SNAP91: variants seen among roughly 807,000 people sequenced by gnomAD.
SNAP91 encodes synaptosome associated protein 91, also known as clathrin coat assembly protein AP180.
In SNAP91, 27 loss-of-function variants were observed where a neutral mutation model predicts 100.3. That is an observed-to-expected ratio of 0.27 (90% CI 0.20 to 0.37). SNAP91 has a LOEUF of 0.37. Among genes scored for constraint, SNAP91 ranks in the 10% least tolerant of loss-of-function variants. SNAP91 has a pLI of 1.00. For synonymous variants in SNAP91, 404 were observed against 398.6 expected (o/e 1.01, Z -0.16); for missense variants, 986 against 1,123.7 (o/e 0.88, Z 1.75).
At chr6:83,676,528 C>A (rs1376584715) in intron 2 of SNAP91, among the ~76,000 whole-genome samples, 1 of 152,042 alleles carries the variant, frequency 6.6e-6, no homozygotes, top group Non-Finnish European at 1.5e-5. Context: ...CAAGGGCATG[C>A]CTGATGGATT....
chr6:83,598,667 T>A (rs2094796135), intron 16 of SNAP91, among the ~76,000 whole-genome samples: 2 of 152,304 alleles, frequency 1.3e-5, no homozygotes, highest in African/African-American at 4.8e-5. Flanking sequence ...TTTCTGATTA[T>A]TCTAGAGTTC....
chr6:83,607,322 A>G (rs946246536), intron 13 of SNAP91, among the ~76,000 whole-genome samples: 5 of 115,920 alleles, frequency 4.3e-5, no homozygotes, highest in African/African-American at 1.9e-4. Context: ...AACAATTCCA[A>G]GTTGGGTTGT....
intron 2 of SNAP91, among the ~76,000 whole-genome samples, chr6:83,666,574 T>C (rs530509796): frequency 1.4e-4 from 22 of 152,260 alleles, no homozygotes; most frequent in African/African-American, 5.1e-4. Context: ...TCAGTAATCA[T>C]TAAACTATAC....
At chr6:83,559,027 A>C (rs765383303) in intron 28 of SNAP91, among the ~76,000 whole-genome samples, 4 of 152,224 alleles carry the variant, frequency 2.6e-5, no homozygotes, top group Non-Finnish European at 4.4e-5. Context: ...AGCTTTACCT[A>C]AACTGAGGTT....
At chr6:83,610,457 A>G (rs1424659247) in intron 12 of SNAP91, among the ~76,000 whole-genome samples, 193 bp downstream of exon 12, 1 of 151,074 alleles carries the variant, frequency 6.6e-6, no homozygotes, top group Non-Finnish European at 1.5e-5. Context: ...TCGGGGAGAG[A>G]GGGAGGTGGG....
rs906912443 is a variant in SNAP91 at position 83,623,468 on chromosome 6, C to A, written c.766-126G>T. On this transcript the variant is annotated intron_variant, in intron 8 of 29. Coordinates refer to ENST00000369694, the MANE Select transcript of SNAP91 (RefSeq NM_001242792.2). ...GGTGTAAATGAATTATTTTATGTAT[C>A]ACTCTCACTTGGAACATATGCTTTT... 8 of 683,408 alleles carry A rather than the reference C, an allele frequency of 1.2e-5. No homozygotes were observed. The Admixed American group carries it at 1.6e-4, about 13-fold the overall frequency. The allele number at this position is 683,408 out of a possible 1,614,324, so 42.3% of individuals were successfully genotyped here. A position where few individuals can be genotyped will look rare whatever the true frequency, so the allele number is the denominator to read the frequency against.
Position 83,553,915 on chromosome 6 carries a change from C to T in SNAP91, c.*381G>A, listed in dbSNP as rs1211319756. 1 of 152,164 alleles carries T rather than the reference C, an allele frequency of 6.6e-6. No homozygotes were observed. The highest frequency in any genetic ancestry group is 2.1e-4 in the South Asian group (1 of 4,822). The allele number at this position is 152,164 out of a possible 1,614,324, so 9.4% of individuals were successfully genotyped here. On this transcript the variant is annotated 3_prime_UTR_variant, in exon 30 of 30. Transcript: ENST00000369694. ...TTATGGGAAGAGTTTGGGGTTTGTT[C>T]AAAAGTTATATGTACATTGAAACCT...
intron 2 of SNAP91, among the ~76,000 whole-genome samples, chr6:83,679,349 A>C (rs1475701423): frequency 6.6e-6 from 1 of 152,196 alleles, no homozygotes; most frequent in East Asian, 1.9e-4. Context: ...AAAAAAGAAA[A>C]GGGAAACTAG....
chr6:83,629,089 C>A (rs955645401), intron 8 of SNAP91, among the ~76,000 whole-genome samples: 2 of 151,938 alleles, frequency 1.3e-5, no homozygotes, highest in African/African-American at 4.8e-5. Flanking sequence ...TGTAGCTAGT[C>A]AATTATCCCA....
chr6:83,668,306 T>C (rs1204909128), intron 2 of SNAP91, among the ~76,000 whole-genome samples: 1 of 152,154 alleles, frequency 6.6e-6, no homozygotes, highest in African/African-American at 2.4e-5. Flanking sequence ...GAAATACCAT[T>C]TGACCCAGCC....
chr6:83,691,835 A>G (rs978129441), intron 2 of SNAP91, among the ~76,000 whole-genome samples: 7 of 152,188 alleles, frequency 4.6e-5, no homozygotes, highest in African/African-American at 1.7e-4. Context: ...TGCTAAGTCC[A>G]AACCTATCAA....
chr6:83,696,952 A>G (rs893830141), intron 2 of SNAP91, among the ~76,000 whole-genome samples: 22 of 152,154 alleles, frequency 1.4e-4, no homozygotes, highest in African/African-American at 5.3e-4. Context: ...CTAGTGAAAG[A>G]CTCAGTACTG....
chr6:83,603,393 AT>A (rs146515593), intron 14 of SNAP91, among the ~76,000 whole-genome samples: 8 of 151,000 alleles, frequency 5.3e-5, no homozygotes, highest in East Asian at 3.9e-4. Flanking sequence ...CCTTTTTGTG[AT>A]TTTTTTTTCT....
chr6:83,599,641 G>A (rs763891595), intron 16 of SNAP91, among the ~76,000 whole-genome samples: 2 of 152,126 alleles, frequency 1.3e-5, no homozygotes, highest in Non-Finnish European at 2.9e-5. Flanking sequence ...AAACAACTTT[G>A]ACAAACTCTA....
At chr6:83,685,935 A>G (rs143629419) in intron 2 of SNAP91, among the ~76,000 whole-genome samples, 47 of 151,926 alleles carry the variant, frequency 3.1e-4, no homozygotes, top group Admixed American at 7.9e-4. Context: ...CACCTTTAAC[A>G]TATTACCCAA....
Position 83,708,274 on chromosome 6 carries a change from C to T in SNAP91, c.-30-317G>A, listed in dbSNP as rs568455864. On this transcript the variant is annotated intron_variant, in intron 1 of 29. Transcript: ENST00000369694. ...ACCCCCCTGTCAATCAGCACTTTCC[C>T]CGCAACCTGACCCGCGGGTGCTGGA... 1.2e-4 allele frequency: 30 copies of T among 242,506 alleles called. No individual in the cohort carries two copies. In the East Asian group the frequency reaches 3.2e-3, roughly 26 times the overall value. 15.0% of individuals were successfully genotyped at this position (242,506 alleles called of 1,614,324 possible). A position where few individuals can be genotyped will look rare whatever the true frequency, so the allele number is the denominator to read the frequency against.
chr6:83,556,344 A>AGGGAGAGG (rs1311837685), intron 28 of SNAP91, 99 bp from the exon 29 acceptor site: 1 of 50,612 alleles, frequency 2.0e-5, no homozygotes, highest in African/African-American at 1.2e-4. Context: ...GGAGAGGGGG[A>AGGGAGAGG]GAGAGAGAGA....
chr6:83,582,187 C>T (rs1299968081), intron 23 of SNAP91, 35 bp downstream of exon 23: 2 of 1,608,590 alleles, frequency 1.2e-6, no homozygotes, highest in East Asian at 4.5e-5. Context: ...ATTACCAGGA[C>T]ACATGAAAAG....
intron 22 of SNAP91, among the ~76,000 whole-genome samples, chr6:83,588,904 G>A: frequency 6.6e-6 from 1 of 152,156 alleles, no homozygotes; most frequent in Non-Finnish European, 1.5e-5. Flanking sequence ...TGACCGCTCT[G>A]CCAGGCTACT....
Sources: allele counts gnomAD v4.1 joint callset (sites outside exome capture counted in the v4.1 genomes callset), GRCh38; gene constraint gnomAD v4.1.1; transcripts MANE v1.5; gene names NCBI Gene and HGNC (gene_info 2026-07-23, HGNC 2026-07-21).